The following ITPRID1 variants were observed in gnomAD, a reference collection of about 807,000 sequenced individuals.
ITPRID1 encodes protein ITPRID1.
A neutral mutation model predicts 95.4 loss-of-function variants in ITPRID1; 96 were observed. The observed-to-expected ratio is 1.01, with a 90% confidence interval of 0.85 to 1.19. ITPRID1 has a LOEUF of 1.19. Ranked by LOEUF, ITPRID1 falls within the 50% of genes most tolerant of loss-of-function variation. The pLI, the probability that ITPRID1 is intolerant of heterozygous loss-of-function variation, is 0.00. For synonymous variants in ITPRID1, 510 were observed against 453.6 expected, an observed-to-expected ratio of 1.12 and a Z score of -1.58; for missense variants, 1,339 against 1,252.9, an observed-to-expected ratio of 1.07 and a Z score of -1.04.
chr7:31,543,381 AG>A, intron 1 of ITPRID1, among the ~76,000 whole-genome samples: 1 of 152,110 alleles, frequency 6.6e-6, no homozygotes, highest in African/African-American at 2.4e-5. Flanking sequence ...CAGGAAAACA[AG>A]ATTTATGAAG....
chr7:31,550,819 A>G (rs937274748), intron 2 of ITPRID1, among the ~76,000 whole-genome samples: 12 of 143,106 alleles, frequency 8.4e-5, no homozygotes, highest in African/African-American at 2.9e-4. Flanking sequence ...GAGGTCAAGT[A>G]TGCCATTCAT....
chr7:31,616,304 C>T (rs920156210), intron 10 of ITPRID1, among the ~76,000 whole-genome samples: 3 of 152,058 alleles, frequency 2.0e-5, no homozygotes, highest in African/African-American at 4.8e-5. Context: ...TTATGGTTAT[C>T]CCTTCAGGGT....
intron 3 of ITPRID1, 121 bp downstream of exon 3, chr7:31,553,308 G>C (rs1196509573): frequency 3.4e-6 from 3 of 892,786 alleles, no homozygotes; most frequent in African/African-American, 3.4e-5. Flanking sequence ...ATATACCAGT[G>C]TTCCTGGCAT....
intron 5 of ITPRID1, among the ~76,000 whole-genome samples, chr7:31,568,017 T>C (rs929281545): frequency 6.6e-6 from 1 of 151,942 alleles, no homozygotes; most frequent in Non-Finnish European, 1.5e-5. Flanking sequence ...TCCCAGCTAC[T>C]TGGGAGGCTG....
intron 10 of ITPRID1, among the ~76,000 whole-genome samples, chr7:31,625,149 A>T (rs1314527204): frequency 6.6e-6 from 1 of 152,156 alleles, no homozygotes; most frequent in Non-Finnish European, 1.5e-5. Context: ...ATGTGGAGAA[A>T]TAGGAACACT....
At chr7:31,641,664 T>C (rs1357386445) in intron 10 of ITPRID1, among the ~76,000 whole-genome samples, 1 of 152,178 alleles carries the variant, frequency 6.6e-6, no homozygotes, top group Non-Finnish European at 1.5e-5. Flanking sequence ...TGTCCCAGCC[T>C]CTTCTGGTGG....
intron 10 of ITPRID1, among the ~76,000 whole-genome samples, chr7:31,636,732 TTTA>T (rs1256462769): frequency 2.0e-5 from 3 of 151,804 alleles, no homozygotes; most frequent in Non-Finnish European, 2.9e-5. Flanking sequence ...TTTTAAAAAT[TTTA>T]TTATTATTAT....
chr7:31,519,620 C>CTCTATATATATATATATATA, intron 1 of ITPRID1, among the ~76,000 whole-genome samples: 13 of 25,244 alleles, frequency 5.1e-4, no homozygotes, highest in African/African-American at 8.5e-4. Context: ...CTCTCTCTCT[C>CTCTATATATATATATATATA]TATATATATA....
intron 1 of ITPRID1, among the ~76,000 whole-genome samples, chr7:31,531,802 G>A (rs1452739329): frequency 6.6e-6 from 1 of 152,122 alleles, no homozygotes; most frequent in Non-Finnish European, 1.5e-5. Flanking sequence ...ACACACACAA[G>A]GGAAAGCTTA....
intron 10 of ITPRID1, among the ~76,000 whole-genome samples, chr7:31,627,610 C>T (rs935357554): frequency 3.7e-5 from 5 of 134,780 alleles, no homozygotes; most frequent in East Asian, 5.1e-4. Context: ...CAGTAAGCTG[C>T]GATCATGCCA....
chr7:31,559,612 C>T (rs914553642), intron 5 of ITPRID1, among the ~76,000 whole-genome samples: 4 of 152,124 alleles, frequency 2.6e-5, no homozygotes, highest in East Asian at 1.9e-4. Flanking sequence ...TTGCAGTGAG[C>T]AGAGATCATG....
intron 1 of ITPRID1, among the ~76,000 whole-genome samples, chr7:31,541,134 A>G (rs10265869): frequency 0.13 from 20,250 of 152,262 alleles, 1,817 homozygotes; most frequent in Non-Finnish European, 0.19. Context: ...ATGGGAGTAT[A>G]CTAAATTGCT....
chr7:31,516,166 T>C (rs997213264), intron 1 of ITPRID1, among the ~76,000 whole-genome samples: 2 of 152,178 alleles, frequency 1.3e-5, no homozygotes, highest in Non-Finnish European at 2.9e-5. Context: ...AGAATAAGGC[T>C]AGAAGATTAA....
chr7:31,557,416 C>T (rs1448472278), intron 5 of ITPRID1, among the ~76,000 whole-genome samples: 2 of 152,164 alleles, frequency 1.3e-5, no homozygotes, highest in East Asian at 3.9e-4. Flanking sequence ...CTTCAGTGGT[C>T]CTGTTCCTGG....
At chr7:31,620,256 T>C (rs961566121) in intron 10 of ITPRID1, among the ~76,000 whole-genome samples, 18 of 152,198 alleles carry the variant, frequency 1.2e-4, no homozygotes, top group African/African-American at 4.3e-4. Context: ...AAGAGAGCAG[T>C]GGTTCTCCCA....
intron 10 of ITPRID1, among the ~76,000 whole-genome samples, chr7:31,599,649 T>TTTC (rs1562598917): frequency 6.7e-5 from 2 of 29,870 alleles, no homozygotes; most frequent in Non-Finnish European, 1.5e-4. Flanking sequence ...TTCTTTCTTT[T>TTTC]TCTTTCTTTC....
At chr7:31,630,027 A>C (rs1240768970) in intron 10 of ITPRID1, among the ~76,000 whole-genome samples, 2 of 152,164 alleles carry the variant, frequency 1.3e-5, no homozygotes, top group Non-Finnish European at 2.9e-5. Flanking sequence ...AAAATCCTAG[A>C]TTATATCATA....
rs1191703783 is a variant in ITPRID1 at position 31,553,038 on chromosome 7, A to G, written c.14A>G (p.Lys5Arg). ...AATTACTCTCCTATGATGGCACAGA[A>G]ATCACAAGGATCTGACAACCTTCAG... is the stretch of plus-strand genomic sequence containing the variant. Reference protein sequence around the residue: MMAQKSQGSDNLQEG... With the variant: MMAQRSQGSDNLQEG... The change falls in exon 3 of 15, where the codon AAA (lysine) becomes AGA (arginine). Residue 5 changes from lysine (K) to arginine (R), a missense_variant. Transcript: ENST00000615280. The G allele has an allele frequency of 6.2e-7, 1 of 1,609,940 alleles. No homozygotes were observed. The highest frequency in any genetic ancestry group is 8.5e-7 in the Non-Finnish European group (1 of 1,178,036).
intron 10 of ITPRID1, among the ~76,000 whole-genome samples, chr7:31,634,908 G>A (rs939548867): frequency 6.6e-6 from 1 of 152,192 alleles, no homozygotes; most frequent in Non-Finnish European, 1.5e-5. Flanking sequence ...AAATGCCACT[G>A]AGGGCAATGA....
Sources: gnomAD v4.1 joint callset for allele counts (sites outside exome capture counted in the v4.1 genomes callset) on GRCh38, gnomAD v4.1.1 for gene constraint, MANE v1.5 for transcripts, NCBI Gene and HGNC (gene_info 2026-07-23, HGNC 2026-07-21) for gene names.